TENM3: variants seen among roughly 807,000 people sequenced by gnomAD.
The protein encoded by TENM3 is teneurin transmembrane protein 3.
In TENM3, 63 loss-of-function variants were observed where a neutral mutation model predicts 255.1. The observed-to-expected ratio is 0.25, with a 90% CI of 0.20 to 0.30. TENM3 has a LOEUF of 0.30. TENM3 is among the 10% of genes least tolerant of loss of function. The probability of loss-of-function intolerance (pLI) is 1.00; values close to 1 mark genes in which losing one functional copy is unlikely to be tolerated. For missense variants in TENM3, 2,929 were observed against 3,461.1 expected (o/e 0.85, Z 3.86); for synonymous variants, 1,306 against 1,322.3 (o/e 0.99, Z 0.27).
At chr4:182,699,665 G>A (rs1458194354) in intron 12 of TENM3, among the ~76,000 whole-genome samples, 1 of 152,050 alleles carries the variant, frequency 6.6e-6, no homozygotes, top group Non-Finnish European at 1.5e-5. Context: ...GCCAATATAA[G>A]TTGTTTTTTA....
chr4:181,798,543 A>T, the TENM3 span, among the ~76,000 whole-genome samples: 1 of 152,164 alleles, frequency 6.6e-6, no homozygotes. Flanking sequence ...ACAGGAAAAG[A>T]AGACTCAATA....
At chr4:182,382,588 T>C (rs931971523) in intron 3 of TENM3, among the ~76,000 whole-genome samples, 2 of 152,148 alleles carry the variant, frequency 1.3e-5, no homozygotes, top group African/African-American at 2.4e-5. Flanking sequence ...AAACTTATCA[T>C]GGTAGAGCTA....
chr4:182,603,410 A>T (rs930781193), intron 4 of TENM3, among the ~76,000 whole-genome samples: 12 of 152,136 alleles, frequency 7.9e-5, no homozygotes, highest in African/African-American at 2.7e-4. Flanking sequence ...TTTAATCTGC[A>T]GTATAGTTTT....
intron 2 of TENM3, among the ~76,000 whole-genome samples, chr4:182,328,909 A>G (rs1007239747): frequency 2.0e-5 from 3 of 152,052 alleles, no homozygotes; most frequent in Admixed American, 6.6e-5. Flanking sequence ...CTGATTCCCC[A>G]CTGCCGGACC....
Position 182,775,159 on chromosome 4 carries a change from T to C in TENM3, c.5304+6T>C. The C allele has an allele frequency of 1.2e-6, 2 of 1,613,308 alleles. No homozygotes were observed. Among genetic ancestry groups the C allele is most frequent in the Non-Finnish European group, 1.7e-6 (2 of 1,179,274 alleles). On this transcript the variant is annotated splice_donor_region_variant and intron_variant, in intron 24 of 27. Transcript: ENST00000511685. ...TCTTTGGCCGCAAGCTCAGGGTACGTACGTGTTGTGGAGCAGGAGATAGCT... is the reference window on the plus strand; with the variant it reads ...TCTTTGGCCGCAAGCTCAGGGTACGCACGTGTTGTGGAGCAGGAGATAGCT...
At chr4:181,498,790 C>T in the TENM3 span, among the ~76,000 whole-genome samples, 24 of 152,006 alleles carry the variant, frequency 1.6e-4, no homozygotes, top group Non-Finnish European at 5.9e-5. Flanking sequence ...TAAATATCAC[C>T]CTGTCAGGGG....
At chr4:182,185,797 G>T (rs1473915965) in intron 1 of TENM3, among the ~76,000 whole-genome samples, 3 of 152,206 alleles carry the variant, frequency 2.0e-5, no homozygotes, top group African/African-American at 7.2e-5. Flanking sequence ...AGTAAAACTT[G>T]ACCTCTTGTA....
intron 3 of TENM3, among the ~76,000 whole-genome samples, chr4:182,408,612 C>T (rs773606723): frequency 6.6e-6 from 1 of 152,180 alleles, no homozygotes; most frequent in Non-Finnish European, 1.5e-5. Context: ...GTTAACATCA[C>T]CTAACACTTT....
intron 1 of TENM3, among the ~76,000 whole-genome samples, chr4:182,181,074 T>C (rs1304210828): frequency 2.6e-5 from 4 of 152,244 alleles, no homozygotes; most frequent in African/African-American, 9.6e-5. Flanking sequence ...CTTATCTACA[T>C]GGACATATGA....
Position 182,680,265 on chromosome 4 carries a change from C to A in TENM3, c.1555C>A (p.Pro519Thr), listed in dbSNP as rs779718630. Residue 519 changes from proline (P) to threonine (T), a missense_variant, in exon 9 of 28, where the codon CCC becomes ACC. Physicochemically the swap from Pro to Thr is conservative, Grantham distance 38. This residue lies in a region of TENM3 where 1,608 missense variants were observed against 1,884.4 expected (regional missense o/e 0.85). Transcript: ENST00000511685. ...TIVIESVVEC[P>T]RNCHGNGECV... ...TTCTTCAGAGTCTGTGGTGGAATGT[C>A]CCCGAAATTGCCATGGAAATGGAGA... 6.2e-7 allele frequency: 1 copy of A among 1,613,096 alleles called. No individual in the cohort carries two copies. Among genetic ancestry groups the A allele is most frequent in the Non-Finnish European group, 8.5e-7 (1 of 1,179,238 alleles).
intron 24 of TENM3, among the ~76,000 whole-genome samples, chr4:182,778,809 T>G (rs1317883778): frequency 6.6e-6 from 1 of 152,184 alleles, no homozygotes. Context: ...TTCATGGTGA[T>G]CTCATTCATA....
At chr4:182,116,480 G>T in the TENM3 span, among the ~76,000 whole-genome samples, 1 of 152,106 alleles carries the variant, frequency 6.6e-6, no homozygotes, top group Non-Finnish European at 1.5e-5. Context: ...TCTCATGATA[G>T]TGAGTGAGTT....
the TENM3 span, among the ~76,000 whole-genome samples, chr4:181,986,276 T>G: frequency 1.3e-5 from 2 of 152,024 alleles, 1 homozygote; most frequent in Non-Finnish European, 2.9e-5. Context: ...CCTTTTTCTC[T>G]TGAAGATCAG....
At chr4:182,341,478 A>C (rs76741614) in intron 2 of TENM3, among the ~76,000 whole-genome samples, 3 of 152,054 alleles carry the variant, frequency 2.0e-5, no homozygotes, top group Non-Finnish European at 4.4e-5. Flanking sequence ...TTCTTTTTCT[A>C]CTTAAAATAT....
At chr4:181,885,297 TCCA>T in the TENM3 span, among the ~76,000 whole-genome samples, 1 of 152,168 alleles carries the variant, frequency 6.6e-6, no homozygotes, top group Non-Finnish European at 1.5e-5. Flanking sequence ...GGAGTCTAGC[TCCA>T]TCACCAGGCT....
At chr4:182,370,614 T>G (rs1307089320) in intron 3 of TENM3, among the ~76,000 whole-genome samples, 1 of 152,202 alleles carries the variant, frequency 6.6e-6, no homozygotes, top group Non-Finnish European at 1.5e-5. Flanking sequence ...CTTACTGTTT[T>G]GCTTAACCAT....
intron 3 of TENM3, among the ~76,000 whole-genome samples, chr4:182,522,584 T>G (rs1413219601): frequency 2.0e-5 from 3 of 152,192 alleles, no homozygotes; most frequent in African/African-American, 7.2e-5. Flanking sequence ...TTTAAAAAAT[T>G]TATTTGTTTT....
the TENM3 span, among the ~76,000 whole-genome samples, chr4:181,487,767 T>C: frequency 6.6e-6 from 1 of 152,140 alleles, no homozygotes; most frequent in African/African-American, 2.4e-5. Flanking sequence ...CAGAAAAGCA[T>C]ATCTGGGTGG....
At chr4:182,388,436 C>T (rs936816396) in intron 3 of TENM3, among the ~76,000 whole-genome samples, 5 of 152,158 alleles carry the variant, frequency 3.3e-5, no homozygotes, top group African/African-American at 9.7e-5. Flanking sequence ...TCTTTTGAAT[C>T]CTTATTTTGT....
Sources: gnomAD v4.1 joint callset for allele counts (sites outside exome capture counted in the v4.1 genomes callset) on GRCh38, gnomAD v4.1.1 for gene constraint, gnomAD v4.1.1 regional missense constraint, MANE v1.5 for transcripts, NCBI Gene and HGNC (gene_info 2026-07-23, HGNC 2026-07-21) for gene names.